The following SLIT3 variants were observed in gnomAD, a reference collection of about 807,000 sequenced individuals.
SLIT3 encodes the protein slit homolog 3 protein.
In SLIT3, 68 loss-of-function variants were observed where a neutral mutation model predicts 184.0. That is an observed-to-expected ratio of 0.37 (90% CI 0.30 to 0.45). The LOEUF (loss-of-function observed/expected upper bound fraction) is 0.45. Ranked by LOEUF, SLIT3 falls within the 20% of genes least tolerant of loss-of-function variation. The probability of loss-of-function intolerance (pLI) is 1.00; values close to 1 mark genes in which losing one functional copy is unlikely to be tolerated. For synonymous variants in SLIT3, 831 were observed against 828.6 expected (o/e 1.00, Z -0.05); for missense variants, 1,707 against 2,026.0 (o/e 0.84, Z 3.02).
At chr5:169,049,628 A>G (rs1362197898) in intron 4 of SLIT3, among the ~76,000 whole-genome samples, 1 of 152,206 alleles carries the variant, frequency 6.6e-6, no homozygotes, top group African/African-American at 2.4e-5. Context: ...CACGAAGTCC[A>G]GCCTAGGGCC....
chr5:168,764,341 G>T (rs1755259074), intron 14 of SLIT3, among the ~76,000 whole-genome samples: 1 of 152,276 alleles, frequency 6.6e-6, no homozygotes, highest in East Asian at 1.9e-4. Context: ...AACACTCTGA[G>T]GTTAGGATAA....
Position 168,906,462 on chromosome 5 carries a change from C to T in SLIT3, c.414-23126G>A, listed in dbSNP as rs182682890. Among the ~76,000 whole-genome samples, 354 of 151,998 alleles carry T rather than the reference C, an allele frequency of 2.3e-3. 3 individuals are homozygous for T. The highest frequency in any genetic ancestry group is 8.0e-3 in the African/African-American group (334 of 41,512). The stretch of plus-strand genomic sequence containing the variant: ...TAAGTGAGATTTAGAGCTCAGAGAA[C>T]GAAAAAACAGAGAGTTTAATTTTCT... On this transcript the variant is annotated intron_variant, in intron 4 of 35. Transcript: ENST00000519560.
chr5:168,799,808 C>T (rs377468834), intron 9 of SLIT3, among the ~76,000 whole-genome samples: 7 of 152,022 alleles, frequency 4.6e-5, no homozygotes, highest in African/African-American at 1.7e-4. Context: ...TACTATGAAC[C>T]AAGTAGTATT....
chr5:168,795,766 C>T (rs1420409171), intron 9 of SLIT3, among the ~76,000 whole-genome samples, 188 bp from the exon 10 acceptor site: 1 of 152,098 alleles, frequency 6.6e-6, no homozygotes, highest in Non-Finnish European at 1.5e-5. Flanking sequence ...CATGGAGCAC[C>T]TGTCCAAGGG....
At chr5:168,757,015 C>T (rs566970499) in intron 16 of SLIT3, among the ~76,000 whole-genome samples, 5 of 152,314 alleles carry the variant, frequency 3.3e-5, no homozygotes, top group East Asian at 1.9e-4. Context: ...TGGCTGCTGC[C>T]GTCTCTACAT....
chr5:168,697,616 C>T (rs1422910894), intron 27 of SLIT3, among the ~76,000 whole-genome samples: 2 of 152,192 alleles, frequency 1.3e-5, no homozygotes, highest in Non-Finnish European at 2.9e-5. Flanking sequence ...GTAAACTACA[C>T]TCAGCTAACA....
At chr5:168,841,238 T>C (rs1031984134) in intron 6 of SLIT3, among the ~76,000 whole-genome samples, 11 of 152,188 alleles carry the variant, frequency 7.2e-5, no homozygotes, top group Admixed American at 5.9e-4. Context: ...TTACTTGCCT[T>C]CTCTGAGATG....
chr5:169,259,088 T>C (rs965739485), intron 1 of SLIT3, among the ~76,000 whole-genome samples: 1 of 152,192 alleles, frequency 6.6e-6, no homozygotes, highest in Non-Finnish European at 1.5e-5. Context: ...TACTTTTTTT[T>C]TGGAGACAGA....
chr5:168,962,021 C>T (rs535914252), intron 4 of SLIT3, among the ~76,000 whole-genome samples: 3 of 152,080 alleles, frequency 2.0e-5, no homozygotes, highest in Non-Finnish European at 4.4e-5. Context: ...GGCTCCTCCA[C>T]GGTACAGAAT....
intron 12 of SLIT3, among the ~76,000 whole-genome samples, chr5:168,784,563 G>A (rs1269728701): frequency 6.6e-6 from 1 of 152,232 alleles, no homozygotes; most frequent in Non-Finnish European, 1.5e-5. Context: ...ATTAGTGCGT[G>A]TTCTGGGAGA....
At chr5:169,054,081 A>ACT (rs777702567) in intron 4 of SLIT3, among the ~76,000 whole-genome samples, 81 of 151,836 alleles carry the variant, frequency 5.3e-4, no homozygotes, top group Non-Finnish European at 5.7e-4. Context: ...ACAGAGTGAG[A>ACT]CTCTCTCTCA....
intron 4 of SLIT3, among the ~76,000 whole-genome samples, chr5:169,027,419 C>A: frequency 6.6e-6 from 1 of 152,146 alleles, no homozygotes; most frequent in Non-Finnish European, 1.5e-5. Flanking sequence ...AATTAAATGG[C>A]ACTCATTTTC....
At chr5:169,198,536 C>T (rs1763811009) in intron 3 of SLIT3, among the ~76,000 whole-genome samples, 1 of 152,156 alleles carries the variant, frequency 6.6e-6, no homozygotes, top group South Asian at 2.1e-4. Context: ...CACAAAGGGC[C>T]TTTTTATCCA....
At chr5:168,667,397 G>C (rs1297985374) in intron 35 of SLIT3, among the ~76,000 whole-genome samples, 1 of 152,222 alleles carries the variant, frequency 6.6e-6, no homozygotes. Context: ...AAAGGCATTT[G>C]ACCTGGCCCA....
intron 4 of SLIT3, among the ~76,000 whole-genome samples, chr5:168,897,646 G>GCGCGCGCGCGCGCGCACACACACA: frequency 2.7e-4 from 28 of 105,444 alleles, no homozygotes; most frequent in South Asian, 5.7e-4. Context: ...ACAGGTGCAC[G>GCGCGCGCGCGCGCGCACACACACA]TACACACACA....
intron 4 of SLIT3, among the ~76,000 whole-genome samples, chr5:168,976,646 C>G (rs1754773601): frequency 6.6e-6 from 1 of 152,186 alleles, no homozygotes; most frequent in African/African-American, 2.4e-5. Context: ...CCTTGTTCCT[C>G]CTGTGCTGTG....
intron 4 of SLIT3, among the ~76,000 whole-genome samples, chr5:169,115,801 C>T (rs1334863782): frequency 2.0e-5 from 3 of 152,284 alleles, no homozygotes; most frequent in South Asian, 4.1e-4. Context: ...TGAAGGAGCT[C>T]GCCTGTGGTT....
rs869209479 is a variant in SLIT3 at position 169,113,658 on chromosome 5, CTTTTTT to C, written c.413+79815_413+79820del. Among the ~76,000 whole-genome samples, 3 of 131,422 alleles carry C rather than the reference CTTTTTT, an allele frequency of 2.3e-5. No homozygotes were observed. The East Asian group carries it at 6.7e-4, about 29-fold the overall frequency. The allele number at this position is 131,422 out of a possible 152,430, so 86.2% of individuals were successfully genotyped here. On this transcript the variant is annotated intron_variant, in intron 4 of 35. Transcript: ENST00000519560. ...ATCATCATGCCTTTTTTTTCTTTTT[CTTTTTT>C]TTTTTTTTTTGAGATGGAGTCTTGC...
At chr5:169,009,884 T>C (rs895897182) in intron 4 of SLIT3, among the ~76,000 whole-genome samples, 1 of 152,236 alleles carries the variant, frequency 6.6e-6, no homozygotes, top group Admixed American at 6.5e-5. Flanking sequence ...TTAATTTATA[T>C]TTATTTTTCA....
Sources: allele counts gnomAD v4.1 joint callset (sites outside exome capture counted in the v4.1 genomes callset), GRCh38; gene constraint gnomAD v4.1.1; transcripts MANE v1.5; gene names NCBI Gene and HGNC (gene_info 2026-07-23, HGNC 2026-07-21).